The following RABGGTA variants were observed in gnomAD, a reference collection of about 807,000 sequenced individuals.
RABGGTA encodes the protein geranylgeranyl transferase type-2 subunit alpha.
Under a neutral mutation model 83.3 loss-of-function variants are expected in RABGGTA, and 69 were observed. The ratio of observed to expected loss-of-function variants is 0.83; its 90% CI spans 0.68 to 1.01. The LOEUF (loss-of-function observed/expected upper bound fraction) is 1.01. RABGGTA is among the 50% of genes least tolerant of loss of function. The pLI, the probability that RABGGTA is intolerant of heterozygous loss-of-function variation, is 0.00. For missense variants in RABGGTA, 681 were observed against 712.7 expected (o/e 0.96, Z 0.51); for synonymous variants, 310 against 299.8 (o/e 1.03, Z -0.35).
chr14:24,269,065 T>C lies in RABGGTA; in HGVS notation c.715+15A>G, dbSNP rs756742255. 1.2e-6 allele frequency: 2 copies of C among 1,600,654 alleles called. No individual in the cohort carries two copies. Among genetic ancestry groups the C allele is most frequent in the Admixed American group, 3.5e-5 (2 of 57,798 alleles). On this transcript the variant is annotated intron_variant, in intron 7 of 16. Transcript: ENST00000216840. ...ATTAAGCGCTAAACACCCAGCCCCT[T>C]TCCTCATTGCTCACCTCGGCCTAGG...
intron 2 of RABGGTA, 48 bp from the exon 3 acceptor site, chr14:24,270,995 T>G (rs1389070438): frequency 6.2e-7 from 1 of 1,605,550 alleles, no homozygotes; most frequent in Non-Finnish European, 8.5e-7. Flanking sequence ...TTGCAGAAGC[T>G]GACCTGCAAA....
Position 24,268,617 on chromosome 14 carries a change from G to C in RABGGTA, c.903C>G (p.Leu301=). Residue 301 remains leucine (L), a splice_region_variant and synonymous_variant, in exon 10 of 17, where the codon CTC becomes CTG. Coordinates refer to ENST00000216840, the MANE Select transcript of RABGGTA (RefSeq NM_182836.3). ...TGAGGGAGGCAGCAGGCAGGTCACA[G>C]AGCTGGGAGTACTGGGTCAAGGAAA... is the stretch of plus-strand genomic sequence containing the variant. ...DGRNRPSHVW[L]CDLPAASLND... The C allele has an allele frequency of 6.2e-7, 1 of 1,613,880 alleles. No individual in the cohort carries two copies. Among genetic ancestry groups the C allele is most frequent in the Middle Eastern group, 1.6e-4 (1 of 6,062 alleles).
At chr14:24,271,086 G>A in intron 2 of RABGGTA, 27 bp downstream of exon 2, 1 of 1,566,340 alleles carries the variant, frequency 6.4e-7, no homozygotes, top group Non-Finnish European at 8.7e-7. Context: ...GCCTGCGGAG[G>A]TGAAGGGCTG....
At chr14:24,266,596 C>T (rs531817735) in intron 15 of RABGGTA, 79 bp from the exon 16 acceptor site, 168 of 1,411,062 alleles carry the variant, frequency 1.2e-4, no homozygotes, top group Non-Finnish European at 1.6e-4. Context: ...CTCAGGGTGA[C>T]GGGTCCACAG....
chr14:24,270,961 C>T lies in RABGGTA; in HGVS notation c.4-14G>A. ...CAGGCGTCCGTGCTACAAGGATGAACGGGTTGGAAGAGTGCAGGTTGCCTT... is the reference window on the plus strand; with the variant it reads ...CAGGCGTCCGTGCTACAAGGATGAATGGGTTGGAAGAGTGCAGGTTGCCTT... On this transcript the variant is annotated splice_polypyrimidine_tract_variant and intron_variant, in intron 2 of 16. Transcript: ENST00000216840. 4 of 1,612,504 alleles carry T rather than the reference C, an allele frequency of 2.5e-6. No individual in the cohort carries two copies. Among genetic ancestry groups the T allele is most frequent in the Non-Finnish European group, 3.4e-6 (4 of 1,179,162 alleles).
At position 24,269,060 on chromosome 14, in the gene RABGGTA, C is replaced by A. The variant is rs763769127; in HGVS notation, c.715+20G>T. ...TTCCTATTAAGCGCTAAACACCCAG[C>A]CCCTTTCCTCATTGCTCACCTCGGC... On this transcript the variant is annotated intron_variant, in intron 7 of 16. Coordinates refer to ENST00000216840, the MANE Select transcript of RABGGTA (RefSeq NM_182836.3). 4.4e-6 allele frequency: 7 copies of A among 1,596,938 alleles called. No individual in the cohort carries two copies. The Admixed American group carries it at 1.0e-4, about 24-fold the overall frequency.
intron 14 of RABGGTA, 112 bp from the exon 15 acceptor site, chr14:24,267,001 A>G: frequency 1.3e-6 from 1 of 759,424 alleles, no homozygotes; most frequent in Non-Finnish European, 2.3e-6. Context: ...GCCCTTGGGG[A>G]CCCCAGCCAA....
chr14:24,267,212 A>G (rs144022497), intron 14 of RABGGTA, among the ~76,000 whole-genome samples: 1 of 152,234 alleles, frequency 6.6e-6, no homozygotes, highest in East Asian at 1.9e-4. Context: ...TGAGGCAGAG[A>G]TGAGTTTGGC....
chr14:24,269,397 T>A, intron 6 of RABGGTA, 94 bp downstream of exon 6: 1 of 1,427,244 alleles, frequency 7.0e-7, no homozygotes, highest in Non-Finnish European at 9.8e-7. Flanking sequence ...AGGTGCTCAA[T>A]AAACCTGAGT....
rs762638641 is a variant in RABGGTA at position 24,269,668 on chromosome 14, C to T, written c.454G>A (p.Val152Met). The part of the protein sequence containing the change: ...NFHCWDYRRF[V>M]ATQAAVPPAE... ...GGGGGCACGGCTGCCTGTGTGGCCA[C>T]AAACCGCCGATAGTCCCAGCAGTGA... is the stretch of plus-strand genomic sequence containing the variant. Residue 152 changes from valine to methionine, a missense_variant, in exon 6 of 17, where the codon GTG (valine) becomes ATG (methionine). Physicochemically the swap from Val to Met is conservative, Grantham distance 21 (BLOSUM62 1). Transcript: ENST00000216840. 5 of 1,606,948 alleles carry T rather than the reference C, an allele frequency of 3.1e-6. No homozygotes were observed. The highest frequency in any genetic ancestry group is 3.3e-5 in the Admixed American group (2 of 59,982).
At chr14:24,270,166 T>A in intron 4 of RABGGTA, 26 bp from the exon 5 acceptor site, 1 of 1,564,902 alleles carries the variant, frequency 6.4e-7, no homozygotes, top group Non-Finnish European at 8.7e-7. Context: ...AAGGGGGGGG[T>A]CAGGGCTCTC....
chr14:24,269,284 T>G, intron 6 of RABGGTA, 121 bp from the exon 7 acceptor site: 5 of 1,083,488 alleles, frequency 4.6e-6, no homozygotes, highest in Non-Finnish European at 6.7e-6. Context: ...ATGCTGTCCT[T>G]GCACAGGGGC....
Position 24,268,821 on chromosome 14 carries a change from G to T in RABGGTA, c.804C>A (p.Gly268=), listed in dbSNP as rs2040906761. 1 of 1,565,582 alleles carries T rather than the reference G, an allele frequency of 6.4e-7. No individual in the cohort carries two copies. The highest frequency in any genetic ancestry group is 8.7e-7 in the Non-Finnish European group (1 of 1,155,114). The change falls in exon 9 of 17, where the codon GGC becomes GGA. Residue 268 remains glycine, a synonymous_variant. Transcript: ENST00000216840. ...TVSFSRPLLV[G]SRMEILLLMV... is the part of the protein sequence containing the mutation. The stretch of plus-strand genomic sequence containing the variant: ...TGAGCAGCAAGATCTCCATCCTGGA[G>T]CCCACCTGGCACAAAGGACAAAGAC...
rs767805439 is a variant in RABGGTA at position 24,267,677 on chromosome 14, G to A, written c.1336C>T (p.Leu446=). ...LKMEYAEVRV[L]HLAHKDLTVL... ...GCCCATACCTTGTGAGCCAGGTGCAGCACACGCACCTCGGCATACTCCATC... is the reference window on the plus strand; with the variant it reads ...GCCCATACCTTGTGAGCCAGGTGCAACACACGCACCTCGGCATACTCCATC... The change falls in exon 14 of 17, where the codon CTG becomes TTG. Residue 446 remains leucine, a synonymous_variant. Transcript: ENST00000216840. 5.0e-6 allele frequency: 8 copies of A among 1,611,336 alleles called. No homozygotes were observed. The highest frequency in any genetic ancestry group is 1.3e-5 in the African/African-American group (1 of 74,942).
chr14:24,267,182 C>T (rs1330856437), intron 14 of RABGGTA, among the ~76,000 whole-genome samples: 10 of 152,070 alleles, frequency 6.6e-5, no homozygotes, highest in African/African-American at 2.4e-4. Context: ...AGACTGGTCC[C>T]CCATGGGGAC....
rs1029316900 is a variant in RABGGTA, at chr14:24,270,010, T to C, written c.370A>G (p.Asn124Asp). The C allele has an allele frequency of 1.2e-5, 19 of 1,613,602 alleles. No homozygotes were observed. The highest frequency in any genetic ancestry group is 1.7e-5 in the Admixed American group (1 of 59,962). The change falls in exon 5 of 17, where the codon AAC becomes GAC. Residue 124 changes from asparagine (N) to aspartate (D), a missense_variant. Asn to Asp is a conservative substitution (Grantham distance 23). Transcript: ENST00000216840. ...CAGAGCTCCAGCTCTCGGGTCCAGT[T>C]GGGCTCAGGCAGGCGGCCTAGCAGC... is the stretch of plus-strand genomic sequence containing the variant. ...CWLLGRLPEP[N>D]WTRELELCAR... is the part of the protein sequence containing the mutation.
At chr14:24,268,022 G>C in intron 12 of RABGGTA, 64 bp from the exon 13 acceptor site, 2 of 1,601,914 alleles carry the variant, frequency 1.2e-6, no homozygotes, top group East Asian at 2.2e-5. Flanking sequence ...ATCCTCCTGA[G>C]GCCTTCCTGC....
rs752438111 is a variant in RABGGTA, at chr14:24,267,893, G to C, written c.1213C>G (p.Leu405Val). Residue 405 changes from leucine to valine, a missense_variant, in exon 13 of 17, where the codon CTG (leucine) becomes GTG (valine). By Grantham distance (32) the Leu-to-Val change is conservative. This residue lies in a region of RABGGTA where 421 missense variants were observed against 418.5 expected (regional missense o/e 1.01). Transcript: ENST00000216840. ...GCCTTGAGGGTCTGGAAGTACTGCA[G>C]GGTCTCCTTCTCATACAGCAGGGGG... is the stretch of plus-strand genomic sequence containing the variant. ...LDPLLYEKET[L>V]QYFQTLKAVD... 1.9e-6 allele frequency: 3 copies of C among 1,613,810 alleles called. No homozygotes were observed. The highest frequency in any genetic ancestry group is 2.5e-6 in the Non-Finnish European group (3 of 1,179,846).
Position 24,268,134 on chromosome 14 carries a change from G to A in RABGGTA, c.1123C>T (p.Gln375Ter), listed in dbSNP as rs1566386394. ...QSELESCKELQELEPENKWCL... is the reference protein window; with the variant it reads ...QSELESCKEL Reference sequence around the variant, plus strand: ...CATTTATTCTCAGGCTCCAGCTCCTGCAGCTCCTTACAGGATTCCAGCTCA... The same window carrying A: ...CATTTATTCTCAGGCTCCAGCTCCTACAGCTCCTTACAGGATTCCAGCTCA... The change falls in exon 12 of 17, where the codon CAG (glutamine) becomes TAG (stop). Residue 375 changes from glutamine (Q) to a stop codon, truncating the protein, a stop_gained. Transcript: ENST00000216840. LOFTEE classifies it high-confidence loss of function. 1 of 1,610,952 alleles carries A rather than the reference G, an allele frequency of 6.2e-7. No individual in the cohort carries two copies. Among genetic ancestry groups the A allele is most frequent in the Non-Finnish European group, 8.5e-7 (1 of 1,178,374 alleles).
Sources: allele counts gnomAD v4.1 joint callset (sites outside exome capture counted in the v4.1 genomes callset), GRCh38; gene constraint gnomAD v4.1.1; regional missense constraint gnomAD v4.1.1; transcripts MANE v1.5; gene names NCBI Gene and HGNC (gene_info 2026-07-23, HGNC 2026-07-21).